The following PDE1C variants were observed in gnomAD, a reference collection of about 807,000 sequenced individuals.
PDE1C encodes dual specificity calcium/calmodulin-dependent 3',5'-cyclic nucleotide phosphodiesterase 1C.
Under a neutral mutation model 93.1 loss-of-function variants are expected in PDE1C, and 62 were observed. The observed-to-expected ratio is 0.67, with a 90% CI of 0.54 to 0.82. The LOEUF (loss-of-function observed/expected upper bound fraction) is 0.82, where lower values mean the gene tolerates loss of function less well. PDE1C is among the 40% of genes least tolerant of loss of function. PDE1C has a pLI of 0.00. For missense variants in PDE1C, 742 were observed against 884.6 expected (o/e 0.84, Z 2.04); for synonymous variants, 325 against 310.1 (o/e 1.05, Z -0.50).
intron 3 of PDE1C, among the ~76,000 whole-genome samples, chr7:32,119,877 G>C (rs1799200456): frequency 6.6e-6 from 1 of 152,234 alleles, no homozygotes; most frequent in Non-Finnish European, 1.5e-5. Context: ...AGTTTCCCGG[G>C]GGAAGGGCAA....
In PDE1C at chr7:31,753,466, T is replaced by C; in HGVS notation, c.2048A>G (p.His683Arg). 1 of 1,612,708 alleles carries C rather than the reference T, an allele frequency of 6.2e-7. No homozygotes were observed. The highest frequency in any genetic ancestry group is 8.5e-7 in the Non-Finnish European group (1 of 1,179,774). ...ATCCAGCATCTTGTACCTTGCAGGA[T>C]GCTCATCAGTTTTCTTTGAGACTGA... Reference protein sequence around the residue: ...APSVSKKTDEHPARYKMLDQR... With the variant: ...APSVSKKTDERPARYKMLDQR... Residue 683 changes from histidine (H) to arginine (R), a missense_variant, in exon 18 of 18, where the codon CAT becomes CGT. Physicochemically the swap from His to Arg is conservative, Grantham distance 29. Coordinates refer to ENST00000396191, the MANE Select transcript of PDE1C (RefSeq NM_001191057.4).
At chr7:31,810,334 T>C (rs1787394662) in intron 15 of PDE1C, among the ~76,000 whole-genome samples, 1 of 152,118 alleles carries the variant, frequency 6.6e-6, no homozygotes, top group African/African-American at 2.4e-5. Flanking sequence ...AAGATCCCAA[T>C]AATAATTGGA....
chr7:31,873,165 G>C, intron 6 of PDE1C, 127 bp downstream of exon 6: 1 of 625,628 alleles, frequency 1.6e-6, no homozygotes, highest in Non-Finnish European at 2.8e-6. Context: ...GCTATCCGAA[G>C]GATGCTTCCT....
intron 2 of PDE1C, among the ~76,000 whole-genome samples, chr7:31,961,400 T>G (rs887308964): frequency 2.6e-5 from 4 of 152,152 alleles, no homozygotes; most frequent in African/African-American, 9.7e-5. Flanking sequence ...AAAGTATAAT[T>G]GAAATTTCTC....
At chr7:31,700,693 C>T in the PDE1C span, among the ~76,000 whole-genome samples, 1 of 152,044 alleles carries the variant, frequency 6.6e-6, no homozygotes, top group African/African-American at 2.4e-5. Flanking sequence ...AAGGACAGGC[C>T]AACTCTCTTG....
At chr7:31,847,476 C>T (rs1441995386) in intron 9 of PDE1C, among the ~76,000 whole-genome samples, 1 of 151,668 alleles carries the variant, frequency 6.6e-6, no homozygotes, top group African/African-American at 2.4e-5. Flanking sequence ...GGGTGAAAAA[C>T]ACATGTTATT....
rs574160232 is a variant in PDE1C, at chr7:31,847,100, G to T, written c.980+868C>A. ...TAGATGATCTCTGCCTGCAGGGTTT[G>T]AAGTACCTTAACCTATATTTATAGC... On this transcript the variant is annotated intron_variant, in intron 9 of 17. Transcript: ENST00000396191. Among the ~76,000 whole-genome samples, 20 of 152,238 alleles carry T rather than the reference G, an allele frequency of 1.3e-4. No individual in the cohort carries two copies. The South Asian group carries it at 4.1e-3, about 32-fold the overall frequency.
chr7:31,951,050 G>C (rs1472457298), intron 2 of PDE1C, among the ~76,000 whole-genome samples: 1 of 152,100 alleles, frequency 6.6e-6, no homozygotes, highest in African/African-American at 2.4e-5. Context: ...CCTTCTCACG[G>C]TGTCCTCAAA....
chr7:32,153,443 C>T (rs1053696629), intron 3 of PDE1C, among the ~76,000 whole-genome samples: 2 of 152,028 alleles, frequency 1.3e-5, no homozygotes, highest in African/African-American at 2.4e-5. Flanking sequence ...AGGCAGCACC[C>T]GTCAAGGCAG....
intron 16 of PDE1C, among the ~76,000 whole-genome samples, chr7:31,782,906 T>C (rs1193337088): frequency 2.6e-5 from 4 of 152,234 alleles, no homozygotes; most frequent in African/African-American, 9.6e-5. Flanking sequence ...GGATAATGTG[T>C]TCTGAGCATG....
the PDE1C span, among the ~76,000 whole-genome samples, chr7:31,637,499 A>T: frequency 6.6e-6 from 1 of 152,002 alleles, no homozygotes; most frequent in Admixed American, 6.6e-5. Flanking sequence ...GATGATGAGC[A>T]TTTTTTCATG....
At chr7:32,381,770 G>T (rs766646837) in intron 1 of PDE1C, among the ~76,000 whole-genome samples, 6 of 152,232 alleles carry the variant, frequency 3.9e-5, no homozygotes, top group Non-Finnish European at 7.4e-5. Flanking sequence ...ATCCTTGAAA[G>T]AATATATTTG....
chr7:32,074,480 T>A (rs1279653710), upstream of PDE1C, among the ~76,000 whole-genome samples: 4 of 152,200 alleles, frequency 2.6e-5, no homozygotes, highest in African/African-American at 9.7e-5. Context: ...TCAGATAACT[T>A]CTGCAAAGAC....
chr7:32,222,165 C>A (rs1476913671), intron 1 of PDE1C, among the ~76,000 whole-genome samples: 1 of 152,174 alleles, frequency 6.6e-6, no homozygotes, highest in African/African-American at 2.4e-5. Flanking sequence ...CACACAAACA[C>A]ACCTCCCCAA....
chr7:31,687,547 T>C, the PDE1C span, among the ~76,000 whole-genome samples: 1 of 152,170 alleles, frequency 6.6e-6, no homozygotes, highest in African/African-American at 2.4e-5. Flanking sequence ...AGTTTCAAGA[T>C]GAAGTTGGTG....
chr7:32,205,312 A>C (rs560586577), intron 2 of PDE1C, among the ~76,000 whole-genome samples: 35 of 152,308 alleles, frequency 2.3e-4, no homozygotes, highest in African/African-American at 7.5e-4. Flanking sequence ...CATCCACAAC[A>C]ACTTGGAAAT....
At chr7:31,887,559 A>G (rs1798103579) in intron 2 of PDE1C, among the ~76,000 whole-genome samples, 1 of 152,228 alleles carries the variant, frequency 6.6e-6, no homozygotes, top group Admixed American at 6.5e-5. Flanking sequence ...AAAAATTAGT[A>G]ATGTTATAGA....
intron 1 of PDE1C, among the ~76,000 whole-genome samples, chr7:32,364,740 G>C (rs1013663592): frequency 2.0e-5 from 3 of 152,182 alleles, no homozygotes; most frequent in Non-Finnish European, 4.4e-5. Flanking sequence ...GCCACCTCTG[G>C]AGTGTGCCCT....
At chr7:32,196,440 T>C (rs1463953587) in intron 2 of PDE1C, among the ~76,000 whole-genome samples, 2 of 152,126 alleles carry the variant, frequency 1.3e-5, no homozygotes, top group Admixed American at 6.5e-5. Context: ...TCGAAGTCTA[T>C]GGTATATGAT....
Sources: gnomAD v4.1 joint callset for allele counts (sites outside exome capture counted in the v4.1 genomes callset) on GRCh38, gnomAD v4.1.1 for gene constraint, MANE v1.5 for transcripts, NCBI Gene and HGNC (gene_info 2026-07-23, HGNC 2026-07-21) for gene names.